ZNF679: variants seen among roughly 807,000 people sequenced by gnomAD.
ZNF679 encodes the protein hypothetical protein MGC42415.
ZNF679 carries 10 observed loss-of-function variants against 13.4 expected under a neutral mutation model. The observed-to-expected ratio is 0.75, with a 90% CI of 0.46 to 1.27. The LOEUF (loss-of-function observed/expected upper bound fraction) is 1.27. ZNF679 is among the 50% of genes most tolerant of loss of function. The probability of loss-of-function intolerance (pLI) is 0.00; values close to 1 mark genes in which losing one functional copy is unlikely to be tolerated. For synonymous variants in ZNF679, 179 were observed against 162.5 expected, an observed-to-expected ratio of 1.10 and a Z score of -0.77; for missense variants, 525 against 477.8, an observed-to-expected ratio of 1.10 and a Z score of -0.92.
intron 2 of ZNF679, among the ~76,000 whole-genome samples, chr7:64,259,786 C>T (rs1438339548): frequency 4.6e-5 from 7 of 151,810 alleles, no homozygotes; most frequent in Admixed American, 1.3e-4. Flanking sequence ...AAATTTGCCA[C>T]GCATGGTGGC....
chr7:64,245,167 C>G (rs983862381), intron 1 of ZNF679, among the ~76,000 whole-genome samples: 5 of 152,156 alleles, frequency 3.3e-5, no homozygotes, highest in African/African-American at 1.2e-4. Flanking sequence ...GCTGGGACTA[C>G]AGGCACCCAC....
intron 2 of ZNF679, among the ~76,000 whole-genome samples, chr7:64,251,377 C>A (rs951632443): frequency 2.6e-5 from 4 of 151,994 alleles, no homozygotes; most frequent in Non-Finnish European, 5.9e-5. Context: ...TCACTTGAAT[C>A]CAGGAAATGG....
At chr7:64,263,982 A>G (rs890821347) in intron 4 of ZNF679, among the ~76,000 whole-genome samples, 5 of 151,964 alleles carry the variant, frequency 3.3e-5, no homozygotes, top group Admixed American at 2.0e-4. Flanking sequence ...TTATAATTTT[A>G]TGCTGCCATT....
intron 1 of ZNF679, among the ~76,000 whole-genome samples, chr7:64,245,223 G>T (rs978049006): frequency 2.0e-5 from 3 of 152,038 alleles, no homozygotes; most frequent in Admixed American, 6.6e-5. Context: ...ACAAGGTTTT[G>T]CCATGTTGGC....
intron 4 of ZNF679, among the ~76,000 whole-genome samples, 189 bp downstream of exon 4, chr7:64,261,118 G>T (rs1788071815): frequency 6.6e-6 from 1 of 152,024 alleles, no homozygotes; most frequent in Admixed American, 6.6e-5. Context: ...AATTCTCTAA[G>T]GATTCTACTT....
chr7:64,253,881 T>C (rs900246975), intron 2 of ZNF679, among the ~76,000 whole-genome samples: 2 of 152,112 alleles, frequency 1.3e-5, no homozygotes, highest in Non-Finnish European at 2.9e-5. Context: ...TCAGAAGCCC[T>C]GGGAAAAAAG....
intron 1 of ZNF679, among the ~76,000 whole-genome samples, chr7:64,238,438 A>G (rs572348632): frequency 1.6e-4 from 24 of 152,278 alleles, no homozygotes; most frequent in Non-Finnish European, 2.6e-4. Flanking sequence ...TCCAGGCTGG[A>G]GTGCAGTGGT....
chr7:64,253,285 C>T (rs1252495008), intron 2 of ZNF679, among the ~76,000 whole-genome samples: 1 of 152,122 alleles, frequency 6.6e-6, no homozygotes, highest in African/African-American at 2.4e-5. Context: ...ACTAAGTGAA[C>T]ATCTCTGACT....
chr7:64,229,784 C>T (rs1787611383), intron 1 of ZNF679, among the ~76,000 whole-genome samples: 1 of 152,116 alleles, frequency 6.6e-6, no homozygotes, highest in Admixed American at 6.6e-5. Context: ...CTAACTGGGC[C>T]TGGGTATATG....
intron 1 of ZNF679, among the ~76,000 whole-genome samples, chr7:64,234,941 G>A (rs1208733350): frequency 6.6e-6 from 1 of 152,150 alleles, no homozygotes; most frequent in Non-Finnish European, 1.5e-5. Context: ...GGGTTCAAGC[G>A]ATTCTTGCGC....
Position 64,231,503 on chromosome 7 carries a change from C to A in ZNF679, c.-91+2851C>A, listed in dbSNP as rs193063478. Among the ~76,000 whole-genome samples the A allele has an allele frequency of 1.1e-4, 17 of 152,324 alleles. No individual in the cohort carries two copies. The East Asian group carries it at 3.1e-3, about 28-fold the overall frequency. ...TAGGCAAAGCATTATGTCTCAATGT[C>A]CCCTTTAATCTTGGCTTAGGCCAGG... On this transcript the variant is annotated intron_variant, in intron 1 of 4. Transcript: ENST00000421025.
At chr7:64,242,017 C>T (rs1787805420) in intron 1 of ZNF679, among the ~76,000 whole-genome samples, 1 of 152,214 alleles carries the variant, frequency 6.6e-6, no homozygotes. Flanking sequence ...TGTTTAAGTA[C>T]TTGAATCACA....
At chr7:64,261,206 A>G (rs10238937) in intron 4 of ZNF679, among the ~76,000 whole-genome samples, 133,485 of 152,188 alleles carry the variant, frequency 0.88, 59,368 homozygotes, top group Non-Finnish European at 0.94. Context: ...TGACTGCTTT[A>G]CCATTGTTTT....
At chr7:64,238,877 C>T (rs893600713) in intron 1 of ZNF679, among the ~76,000 whole-genome samples, 1 of 152,142 alleles carries the variant, frequency 6.6e-6, no homozygotes, top group African/African-American at 2.4e-5. Context: ...TATACTTTGA[C>T]CCAGCTTACA....
intron 4 of ZNF679, among the ~76,000 whole-genome samples, chr7:64,262,674 A>AT (rs1169906145): frequency 6.6e-6 from 1 of 151,980 alleles, no homozygotes; most frequent in Non-Finnish European, 1.5e-5. Flanking sequence ...TCATGTCCTT[A>AT]TTTGTCTTTG....
chr7:64,260,003 A>G (rs1487028713), intron 2 of ZNF679, among the ~76,000 whole-genome samples: 2 of 152,192 alleles, frequency 1.3e-5, no homozygotes, highest in African/African-American at 4.8e-5. Flanking sequence ...TTAATAATTT[A>G]TCATCCAGAA....
intron 2 of ZNF679, among the ~76,000 whole-genome samples, chr7:64,254,449 G>C (rs2115575612): frequency 6.6e-6 from 1 of 151,574 alleles, no homozygotes; most frequent in Admixed American, 6.6e-5. Context: ...TATTTACCAA[G>C]ATTATCCAAA....
At chr7:64,251,909 T>C (rs1344480094) in intron 2 of ZNF679, among the ~76,000 whole-genome samples, 2 of 152,220 alleles carry the variant, frequency 1.3e-5, no homozygotes, top group East Asian at 3.8e-4. Flanking sequence ...ATTAGAATTG[T>C]CTTTACCCAA....
intron 3 of ZNF679, 97 bp from the exon 4 acceptor site, chr7:64,260,727 TAATTTTCTAG>T: frequency 8.3e-7 from 1 of 1,198,478 alleles, no homozygotes; most frequent in East Asian, 2.7e-5. Context: ...GAATCAATAT[TAATTTTCTAG>T]AATTTTCTAT....
Sources: allele counts gnomAD v4.1 joint callset (sites outside exome capture counted in the v4.1 genomes callset), GRCh38; gene constraint gnomAD v4.1.1; transcripts MANE v1.5; gene names NCBI Gene and HGNC (gene_info 2026-07-23, HGNC 2026-07-21).